Variants in MINDY4B observed in about 807,000 individuals in gnomAD.
The protein encoded by MINDY4B is MINDY family member 4B.
MINDY4B carries 25 observed loss-of-function variants against 16.7 expected under a neutral mutation model. The observed-to-expected ratio is 1.49, with a 90% CI of 1.09 to 2.09. MINDY4B has a LOEUF of 2.09. Ranked by LOEUF, MINDY4B falls within the 30% of genes most tolerant of loss-of-function variation. The pLI, the probability that MINDY4B is intolerant of heterozygous loss-of-function variation, is 0.00. For synonymous variants in MINDY4B, 132 were observed against 61.9 expected, an observed-to-expected ratio of 2.13 and a Z score of -5.32; for missense variants, 327 against 168.4, an observed-to-expected ratio of 1.94 and a Z score of -5.21.
In MINDY4B at chr3:150,873,235, A is replaced by T; in HGVS notation, c.1192T>A (p.Phe398Ile). 1 of 703,294 alleles carries T rather than the reference A, an allele frequency of 1.4e-6. No individual in the cohort carries two copies. Among genetic ancestry groups the T allele is most frequent in the South Asian group, 1.5e-5 (1 of 67,590 alleles). 43.6% of individuals were successfully genotyped at this position (703,294 alleles called of 1,614,324 possible). ...WKMERLFDLY[F>I]YSGQPSQKKL... Reference sequence around the variant, plus strand: ...TTCTGTGAGGGTTGGCCACTGTAAAAGTACAGATCAAAGAGACGTTCCATT... The same window carrying T: ...TTCTGTGAGGGTTGGCCACTGTAAATGTACAGATCAAAGAGACGTTCCATT... Residue 398 changes from phenylalanine (F) to isoleucine (I), a missense_variant, in exon 11 of 12, where the codon TTT becomes ATT. By Grantham distance (21) the Phe-to-Ile change is conservative (BLOSUM62 0). Coordinates refer to ENST00000465419, the MANE Select transcript of MINDY4B (RefSeq NM_001351281.2).
intron 10 of MINDY4B, among the ~76,000 whole-genome samples, chr3:150,879,563 T>C (rs984626951): frequency 3.3e-5 from 5 of 152,184 alleles, no homozygotes. Context: ...CCAGACCAAA[T>C]GAAGCAGTCT....
At chr3:150,884,113 C>A (rs576560352) in intron 8 of MINDY4B, among the ~76,000 whole-genome samples, 61 of 152,270 alleles carry the variant, frequency 4.0e-4, no homozygotes, top group Non-Finnish European at 7.9e-4. Flanking sequence ...TGACACATGA[C>A]CACACTGCAG....
intron 6 of MINDY4B, 98 bp downstream of exon 6, chr3:150,890,840 G>A (rs1711780868): frequency 1.5e-6 from 1 of 648,050 alleles, no homozygotes; most frequent in Admixed American, 2.1e-5. Flanking sequence ...CACATCAGGA[G>A]CATGGATGGG....
Position 150,885,375 on chromosome 3 carries a change from A to T in MINDY4B, c.817T>A (p.Phe273Ile). The T allele has an allele frequency of 5.7e-6, 4 of 702,774 alleles. No homozygotes were observed. The highest frequency in any genetic ancestry group is 1.0e-5 in the Non-Finnish European group (4 of 384,826). 43.5% of individuals were successfully genotyped at this position (702,774 alleles called of 1,614,324 possible). The change falls in exon 8 of 12, where the codon TTT becomes ATT. Residue 273 changes from phenylalanine to isoleucine, a missense_variant. Phe to Ile is a conservative substitution (Grantham distance 21). Coordinates refer to ENST00000465419, the MANE Select transcript of MINDY4B (RefSeq NM_001351281.2). The stretch of plus-strand genomic sequence containing the variant: ...AACATCTGTAGAATTTACCTTTCAA[A>T]TGTTCTAGAGAAGATCAGGCTGTAC... ...FLYSLIFSRT[F>I]ERLQMDLDVT... is the part of the protein sequence containing the mutation.
At chr3:150,881,041 T>G (rs1228545134) in intron 10 of MINDY4B, among the ~76,000 whole-genome samples, 1 of 152,214 alleles carries the variant, frequency 6.6e-6, no homozygotes, top group African/African-American at 2.4e-5. Flanking sequence ...CAGGCTGTAT[T>G]CAAAGTATAG....
chr3:150,893,323 C>T lies in MINDY4B; in HGVS notation c.521+1G>A, dbSNP rs1711865452. On this transcript the variant is annotated splice_donor_variant, in intron 5 of 11. Transcript: ENST00000465419. LOFTEE classifies it high-confidence loss of function. The stretch of plus-strand genomic sequence containing the variant: ...TCAAGTACTTCTCACAGTCCTCTTA[C>T]TTGCCAAGGTTACAGTCTTTTCCTT... The T allele has an allele frequency of 2.8e-6, 2 of 702,622 alleles. No homozygotes were observed. Among genetic ancestry groups the T allele is most frequent in the East Asian group, 2.7e-5 (1 of 37,294 alleles). 43.5% of individuals were successfully genotyped at this position (702,622 alleles called of 1,614,324 possible).
chr3:150,886,259 G>T (rs1233842118), intron 7 of MINDY4B, among the ~76,000 whole-genome samples: 2 of 152,194 alleles, frequency 1.3e-5, no homozygotes, highest in Non-Finnish European at 2.9e-5. Context: ...GGCTTTCTAG[G>T]TGCAGAGTTA....
At chr3:150,885,550 G>A in intron 7 of MINDY4B, 112 bp from the exon 8 acceptor site, 1 of 661,884 alleles carries the variant, frequency 1.5e-6, no homozygotes, top group Non-Finnish European at 2.7e-6. Context: ...CCCCCTGGCT[G>A]CTGAAAGGAA....
chr3:150,885,362 AT>A lies in MINDY4B; in HGVS notation c.824+5del, dbSNP rs1426109496. ...AAATACCTGTGTAAACATCTGTAGAATTTACCTTTCAAATGTTCTAGAGAAG... is the reference window on the plus strand; with the variant it reads ...AAATACCTGTGTAAACATCTGTAGAATTACCTTTCAAATGTTCTAGAGAAG... On this transcript the variant is annotated splice_donor_5th_base_variant and intron_variant, in intron 8 of 11. Transcript: ENST00000465419. The A allele has an allele frequency of 1.4e-6, 1 of 702,616 alleles. No homozygotes were observed. Among genetic ancestry groups the A allele is most frequent in the Non-Finnish European group, 2.6e-6 (1 of 384,806 alleles). The allele number at this position is 702,616 out of a possible 1,614,324, so 43.5% of individuals were successfully genotyped here.
chr3:150,896,341 T>G (rs1711966827), intron 3 of MINDY4B, among the ~76,000 whole-genome samples: 1 of 152,218 alleles, frequency 6.6e-6, no homozygotes, highest in Admixed American at 6.5e-5. Context: ...CTGATTAGCT[T>G]AATAACCAAC....
intron 4 of MINDY4B, 141 bp from the exon 5 acceptor site, chr3:150,893,556 G>A: frequency 1.5e-6 from 1 of 650,510 alleles, no homozygotes; most frequent in South Asian, 1.7e-5. Flanking sequence ...ACTCCTCCCT[G>A]CAGCCGTGGC....
intron 8 of MINDY4B, 59 bp from the exon 9 acceptor site, chr3:150,883,831 G>A (rs543005166): frequency 2.3e-5 from 16 of 695,068 alleles, no homozygotes; most frequent in South Asian, 2.2e-4. Context: ...GGAGCCTGCA[G>A]CTTCTTTTCC....
At chr3:150,898,599 A>C (rs1048964340) in intron 3 of MINDY4B, among the ~76,000 whole-genome samples, 1 of 152,236 alleles carries the variant, frequency 6.6e-6, no homozygotes, top group African/African-American at 2.4e-5. Flanking sequence ...GCTGTCTAGT[A>C]ACTAGAAACA....
At chr3:150,885,856 G>T (rs183056586) in intron 7 of MINDY4B, among the ~76,000 whole-genome samples, 1 of 152,050 alleles carries the variant, frequency 6.6e-6, no homozygotes, top group East Asian at 1.9e-4. Context: ...TGTAGAACTC[G>T]CTTTGGAGTT....
chr3:150,895,524 G>A (rs1711937267), intron 3 of MINDY4B, among the ~76,000 whole-genome samples: 1 of 152,158 alleles, frequency 6.6e-6, no homozygotes, highest in South Asian at 2.1e-4. Flanking sequence ...GGAGTACGCT[G>A]TCACGATCTT....
At position 150,893,308 on chromosome 3, in the gene MINDY4B, C is replaced by T. The variant is rs967450531; in HGVS notation, c.521+16G>A. The T allele has an allele frequency of 2.8e-6, 2 of 702,570 alleles. No individual in the cohort carries two copies. Among genetic ancestry groups the T allele is most frequent in the Non-Finnish European group, 5.2e-6 (2 of 384,802 alleles). 43.5% of individuals were successfully genotyped at this position (702,570 alleles called of 1,614,324 possible). A position where few individuals can be genotyped will look rare whatever the true frequency, so the allele number is the denominator to read the frequency against. ...AGTGAAATGGGTAATTCAAGTACTT[C>T]TCACAGTCCTCTTACTTGCCAAGGT... On this transcript the variant is annotated intron_variant, in intron 5 of 11. Transcript: ENST00000465419.
intron 11 of MINDY4B, among the ~76,000 whole-genome samples, chr3:150,871,559 A>C (rs1716972177): frequency 6.6e-6 from 1 of 152,010 alleles, no homozygotes; most frequent in Non-Finnish European, 1.5e-5. Flanking sequence ...AGGAAAAAAA[A>C]AAAAAGAGGC....
At chr3:150,893,653 C>T (rs575060676) in intron 4 of MINDY4B, among the ~76,000 whole-genome samples, 117 of 143,878 alleles carry the variant, frequency 8.1e-4, no homozygotes, top group African/African-American at 2.8e-3. Context: ...TGGCTTCCTC[C>T]ATCTTGCCTT....
Position 150,905,073 on chromosome 3 carries a change from A to C in MINDY4B, c.130T>G (p.Ser44Ala), listed in dbSNP as rs2168445. The change falls in exon 2 of 12, where the codon TCA becomes GCA. Residue 44 changes from serine to alanine, a missense_variant. Coordinates refer to ENST00000465419, the MANE Select transcript of MINDY4B (RefSeq NM_001351281.2). ...FSYHRLGTNNSTPQNHEGNHT... is the reference protein window; with the variant it reads ...FSYHRLGTNNATPQNHEGNHT... ...GGAAAAGTAATTACCTGAGGAGTTGAATTATTGGTTCCCAACCTTTAAATG... is the reference window on the plus strand; with the variant it reads ...GGAAAAGTAATTACCTGAGGAGTTGCATTATTGGTTCCCAACCTTTAAATG... The C allele has an allele frequency of 1.6e-3, 642 of 398,432 alleles. 1 individual carries two copies. Among genetic ancestry groups the C allele is most frequent in the African/African-American group, 0.012 (581 of 48,678 alleles). 24.7% of individuals were successfully genotyped at this position (398,432 alleles called of 1,614,324 possible).
Sources: allele counts gnomAD v4.1 joint callset (sites outside exome capture counted in the v4.1 genomes callset), GRCh38; gene constraint gnomAD v4.1.1; transcripts MANE v1.5; gene names NCBI Gene and HGNC (gene_info 2026-07-23, HGNC 2026-07-21).